The following NRG3 variants were observed in gnomAD, a reference collection of about 807,000 sequenced individuals.
The protein encoded by NRG3 is neuregulin 3, also known as pro-neuregulin-3, membrane-bound isoform.
A neutral mutation model predicts 66.9 loss-of-function variants in NRG3; 31 were observed. The ratio of observed to expected loss-of-function variants is 0.46; its 90% CI spans 0.35 to 0.63. The LOEUF is 0.63. Ranked by LOEUF, NRG3 falls within the 20% of genes least tolerant of loss-of-function variation. The probability of loss-of-function intolerance (pLI) is 0.00; values close to 1 mark genes in which losing one functional copy is unlikely to be tolerated. For synonymous variants in NRG3, 393 were observed against 359.4 expected (o/e 1.09, Z -1.06); for missense variants, 910 against 878.9 (o/e 1.04, Z -0.45).
chr10:82,290,935 A>C (rs1211908695), intron 1 of NRG3, among the ~76,000 whole-genome samples: 1 of 151,778 alleles, frequency 6.6e-6, no homozygotes, highest in Non-Finnish European at 1.5e-5. Flanking sequence ...GAGCCACCGC[A>C]CCCAGCTGAC....
intron 1 of NRG3, among the ~76,000 whole-genome samples, chr10:82,019,927 C>T (rs965033478): frequency 1.3e-5 from 2 of 151,994 alleles, no homozygotes; most frequent in Non-Finnish European, 2.9e-5. Context: ...TTTTTTGTGT[C>T]TCCATTTCCT....
chr10:81,876,429 G>T (rs910392521), intron 1 of NRG3, among the ~76,000 whole-genome samples: 1 of 152,144 alleles, frequency 6.6e-6, no homozygotes. Flanking sequence ...AGTGAGAACA[G>T]ATCTCCCAAC....
intron 2 of NRG3, among the ~76,000 whole-genome samples, chr10:82,661,997 G>T (rs1014297586): frequency 1.3e-5 from 2 of 152,118 alleles, no homozygotes; most frequent in Admixed American, 1.3e-4. Context: ...AGGGTTTTGA[G>T]GACAAGCATC....
chr10:82,950,189 T>G (rs1849391451), intron 4 of NRG3, among the ~76,000 whole-genome samples: 1 of 152,196 alleles, frequency 6.6e-6, no homozygotes, highest in Non-Finnish European at 1.5e-5. Flanking sequence ...AGAACTATTG[T>G]TCTATGTTAA....
intron 1 of NRG3, among the ~76,000 whole-genome samples, chr10:82,138,482 C>T (rs1328579520): frequency 1.3e-5 from 2 of 152,166 alleles, no homozygotes; most frequent in Admixed American, 6.6e-5. Flanking sequence ...AGTGATACTA[C>T]TGACAGTGGG....
At chr10:82,068,495 A>C (rs913386863) in intron 1 of NRG3, among the ~76,000 whole-genome samples, 25 of 152,224 alleles carry the variant, frequency 1.6e-4, no homozygotes, top group African/African-American at 6.0e-4. Flanking sequence ...CTTAGTTGAG[A>C]AATTTACTAG....
At chr10:82,125,187 CG>C (rs1276028898) in intron 1 of NRG3, among the ~76,000 whole-genome samples, 2 of 151,822 alleles carry the variant, frequency 1.3e-5, no homozygotes, top group Non-Finnish European at 2.9e-5. Context: ...AGGCATCCCC[CG>C]GTCATGAATT....
chr10:82,954,590 T>C (rs1849850027), intron 5 of NRG3, among the ~76,000 whole-genome samples: 1 of 151,856 alleles, frequency 6.6e-6, no homozygotes, highest in Non-Finnish European at 1.5e-5. Context: ...AATGATAAAA[T>C]GATGATACAA....
intron 1 of NRG3, among the ~76,000 whole-genome samples, chr10:82,117,525 C>T (rs1259786157): frequency 2.0e-5 from 3 of 152,048 alleles, no homozygotes; most frequent in Non-Finnish European, 4.4e-5. Flanking sequence ...ATTGGAGAGT[C>T]TCTGTGTGTG....
intron 4 of NRG3, among the ~76,000 whole-genome samples, chr10:82,898,836 CT>C: frequency 6.7e-6 from 1 of 150,252 alleles, no homozygotes. Flanking sequence ...ATTTTTCTGC[CT>C]CAGCCTCCCT....
intron 3 of NRG3, among the ~76,000 whole-genome samples, chr10:82,760,863 A>G (rs987444850): frequency 1.1e-4 from 16 of 151,948 alleles, no homozygotes; most frequent in African/African-American, 3.1e-4. Flanking sequence ...AATGGCATAC[A>G]TAATTAAATG....
chr10:82,132,890 C>G (rs1054885789), intron 1 of NRG3, among the ~76,000 whole-genome samples: 1 of 151,530 alleles, frequency 6.6e-6, no homozygotes, highest in Non-Finnish European at 1.5e-5. Context: ...TCTAATTATT[C>G]TTTGAATTTC....
chr10:81,919,491 G>A (rs1250008644), intron 1 of NRG3, among the ~76,000 whole-genome samples: 1 of 151,202 alleles, frequency 6.6e-6, no homozygotes. Flanking sequence ...ATTGCCTGGG[G>A]TGTTATTTTC....
At chr10:82,966,091 AC>A (rs1287440561) in intron 6 of NRG3, among the ~76,000 whole-genome samples, 1 of 152,152 alleles carries the variant, frequency 6.6e-6, no homozygotes, top group Admixed American at 6.6e-5. Flanking sequence ...CCTATTATTA[AC>A]CTTGTATATT....
intron 1 of NRG3, among the ~76,000 whole-genome samples, chr10:81,995,766 C>A (rs1281122262): frequency 6.6e-6 from 1 of 152,180 alleles, no homozygotes; most frequent in Non-Finnish European, 1.5e-5. Context: ...CCTTGTGGGT[C>A]TTCAATATTC....
chr10:82,083,712 A>G (rs1011941071), intron 1 of NRG3, among the ~76,000 whole-genome samples: 1 of 150,414 alleles, frequency 6.6e-6, no homozygotes, highest in Non-Finnish European at 1.5e-5. Context: ...CTCCTCCCTC[A>G]GCCTCCCGAG....
intron 3 of NRG3, among the ~76,000 whole-genome samples, chr10:82,793,302 T>G (rs2060664714): frequency 6.6e-6 from 1 of 152,120 alleles, no homozygotes; most frequent in South Asian, 2.1e-4. Flanking sequence ...TATGCTTACT[T>G]TTTTCTCCCT....
At chr10:82,685,159 A>AC (rs1283346304) in intron 2 of NRG3, among the ~76,000 whole-genome samples, 1 of 152,070 alleles carries the variant, frequency 6.6e-6, no homozygotes, top group African/African-American at 2.4e-5. Context: ...ACTTAACCAC[A>AC]CCCTCATCTC....
At chr10:82,150,523 GCACA>G (rs71007298) in intron 1 of NRG3, among the ~76,000 whole-genome samples, 642 of 57,306 alleles carry the variant, frequency 0.011, 20 homozygotes, top group Middle Eastern at 0.033. Flanking sequence ...AGCAAAAAGA[GCACA>G]CACAAAAAAA....
Sources: allele counts gnomAD v4.1 joint callset (sites outside exome capture counted in the v4.1 genomes callset), GRCh38; gene constraint gnomAD v4.1.1; transcripts MANE v1.5; gene names NCBI Gene and HGNC (gene_info 2026-07-23, HGNC 2026-07-21).